The following JMJD6 variants were observed in gnomAD, a reference collection of about 807,000 sequenced individuals.
JMJD6 encodes the protein jumonji domain containing 6, arginine demethylase and lysine hydroxylase, also known as bifunctional arginine demethylase and lysyl-hydroxylase JMJD6.
A neutral mutation model predicts 45.8 loss-of-function variants in JMJD6; 17 were observed. The ratio of observed to expected loss-of-function variants is 0.37; its 90% CI spans 0.25 to 0.56. The LOEUF (loss-of-function observed/expected upper bound fraction) is 0.56, where lower values mean the gene tolerates loss of function less well. Among genes scored for constraint, JMJD6 ranks in the 20% least tolerant of loss-of-function variants. The probability of loss-of-function intolerance (pLI) is 0.79; values close to 1 mark genes in which losing one functional copy is unlikely to be tolerated. For missense variants in JMJD6, 470 were observed against 517.5 expected (o/e 0.91, Z 0.89); for synonymous variants, 221 against 196.3 (o/e 1.13, Z -1.05).
rs149838558 is a variant in JMJD6 at position 76,721,502 on chromosome 17, G to A, written c.941+296C>T. Reference sequence around the variant, plus strand: ...CCCAAATAAAATGATTTTAGCTAGCGCTAGCTTTGAAAAACAAAACACAAA... The same window carrying A: ...CCCAAATAAAATGATTTTAGCTAGCACTAGCTTTGAAAAACAAAACACAAA... On this transcript the variant is annotated intron_variant, in intron 4 of 5. Coordinates refer to ENST00000397625, the MANE Select transcript of JMJD6 (RefSeq NM_015167.3). 332 of 401,838 alleles carry A rather than the reference G, an allele frequency of 8.3e-4. 2 individuals are homozygous for A. The highest frequency in any genetic ancestry group is 6.0e-3 in the African/African-American group (302 of 50,274). The allele number at this position is 401,838 out of a possible 1,614,324, so 24.9% of individuals were successfully genotyped here.
At position 76,718,954 on chromosome 17, in the gene JMJD6, T is replaced by C. The variant is rs1015592412; in HGVS notation, c.1081-94A>G. 5 of 1,249,612 alleles carry C rather than the reference T, an allele frequency of 4.0e-6. No individual in the cohort carries two copies. In the African/African-American group the frequency reaches 6.0e-5, roughly 15 times the overall value. 77.4% of individuals were successfully genotyped at this position (1,249,612 alleles called of 1,614,324 possible). On this transcript the variant is annotated intron_variant, in intron 5 of 5. Transcript: ENST00000397625. ...CTGACCTCGGGAGACAGCACAGATA[T>C]TGGTCACTTTCTCCCAAATGCAAAG...
downstream of JMJD6, among the ~76,000 whole-genome samples, chr17:76,717,071 G>C (rs1005119844): frequency 3.3e-5 from 5 of 152,148 alleles, no homozygotes; most frequent in African/African-American, 1.2e-4. Flanking sequence ...GAGGCCACGC[G>C]ATAGGAGGGC....
chr17:76,717,742 G>C (rs910763066), downstream of JMJD6, among the ~76,000 whole-genome samples: 2 of 151,980 alleles, frequency 1.3e-5, no homozygotes. Flanking sequence ...TGTAATACCA[G>C]CACTTTGGGA....
At chr17:76,718,367 G>C (rs2076783299), downstream of JMJD6, 5 of 1,003,308 alleles carry the variant, frequency 5.0e-6, no homozygotes, top group Non-Finnish European at 6.4e-6. Context: ...CACAGCAGGA[G>C]TCACTGCTTT....
In JMJD6 at chr17:76,718,690, G is replaced by A. The variant is rs974900855; in HGVS notation, c.*39C>T. The A allele has an allele frequency of 4.2e-5, 67 of 1,604,276 alleles. No individual in the cohort carries two copies. The highest frequency in any genetic ancestry group is 1.7e-4 in the Middle Eastern group (1 of 6,022). On this transcript the variant is annotated 3_prime_UTR_variant, in exon 6 of 6. Transcript: ENST00000397625. ...ACCCTCCCCAGGCCCTGCCCTTGCC[G>A]CGAGCGTGTCCTTCCATACAGACAA... is the stretch of plus-strand genomic sequence containing the variant.
In JMJD6 at chr17:76,723,887, G is replaced by T. The variant is rs778506056; in HGVS notation, c.690C>A (p.Asp230Glu). The part of the protein sequence containing the change: ...VTRDEGGNQQ[D>E]EAITWFNVIY... The stretch of plus-strand genomic sequence containing the variant: ...TAACATTAAACCAGGTAATAGCTTC[G>T]TCTTGCTGGTTCCCTCCTTCGTCTC... Residue 230 changes from aspartate (D) to glutamate (E), a missense_variant, in exon 3 of 6, where the codon GAC becomes GAA. Physicochemically the swap from Asp to Glu is conservative, Grantham distance 45 (BLOSUM62 2). Transcript: ENST00000397625. The T allele has an allele frequency of 1.2e-6, 2 of 1,614,088 alleles. No homozygotes were observed. The highest frequency in any genetic ancestry group is 2.7e-5 in the African/African-American group (2 of 75,012).
At chr17:76,717,168 C>G (rs1340063491), downstream of JMJD6, among the ~76,000 whole-genome samples, 1 of 152,114 alleles carries the variant, frequency 6.6e-6, no homozygotes, top group African/African-American at 2.4e-5. Flanking sequence ...CTTCAGCAGT[C>G]AAGGGCTTCA....
At chr17:76,716,847 CAG>C (rs1165837365), downstream of JMJD6, 2 of 849,564 alleles carry the variant, frequency 2.4e-6, no homozygotes, top group Admixed American at 2.2e-5. Context: ...GGGCTTTCTC[CAG>C]AGTTTTCTTA....
At chr17:76,726,068 C>G (rs775431834) in intron 1 of JMJD6, among the ~76,000 whole-genome samples, 7 of 152,320 alleles carry the variant, frequency 4.6e-5, no homozygotes, top group Non-Finnish European at 8.8e-5. Context: ...CTAGGGGACC[C>G]GCCGCCCAAA....
intron 2 of JMJD6, among the ~76,000 whole-genome samples, chr17:76,725,051 G>A (rs895631833): frequency 7.9e-5 from 12 of 152,118 alleles, no homozygotes; most frequent in African/African-American, 1.2e-4. Flanking sequence ...AGCCGAGGGA[G>A]TACTCACTGT....
intron 3 of JMJD6, among the ~76,000 whole-genome samples, chr17:76,723,249 A>G (rs2076851197): frequency 6.6e-6 from 1 of 152,014 alleles, no homozygotes; most frequent in Non-Finnish European, 1.5e-5. Context: ...CCGGGCCTGC[A>G]TACAGTTTAT....
chr17:76,723,840 G>A lies in JMJD6; in HGVS notation c.737C>T (p.Pro246Leu), dbSNP rs370913824. 1.9e-6 allele frequency: 3 copies of A among 1,614,028 alleles called. No individual in the cohort carries two copies. The African/African-American group carries it at 4.0e-5, about 22-fold the overall frequency. Reference protein sequence around the residue: ...FNVIYPRTQLPTWPPEFKPLE... With the variant: ...FNVIYPRTQLLTWPPEFKPLE... The stretch of plus-strand genomic sequence containing the variant: ...GGGTTTGAATTCAGGTGGCCAGGTT[G>A]GAAGCTGTGTCCGGGGATAAATAAC... Residue 246 changes from proline (P) to leucine (L), a missense_variant, in exon 3 of 6, where the codon CCA (proline) becomes CTA (leucine). Pro to Leu is a moderately conservative substitution (Grantham distance 98). Transcript: ENST00000397625.
At chr17:76,721,649 C>T in intron 4 of JMJD6, 149 bp downstream of exon 4, 1 of 830,046 alleles carries the variant, frequency 1.2e-6, no homozygotes, top group Non-Finnish European at 1.9e-6. Context: ...TGACCTTGGC[C>T]CCTCTCTCCT....
chr17:76,725,971 T>G (rs2076918198), intron 1 of JMJD6, 116 bp from the exon 2 acceptor site: 2 of 1,310,544 alleles, frequency 1.5e-6, no homozygotes, highest in Non-Finnish European at 2.0e-6. Context: ...GACTCTCGTC[T>G]GGCTCCTCCG....
rs143400917 is a variant in JMJD6, at chr17:76,718,898, G to A, written c.1081-38C>T. ...GGACAGAAAACAAGGAGTCAACCTG[G>A]ATGCAACCCACTTCTTCATTAAACA... On this transcript the variant is annotated intron_variant, in intron 5 of 5. Coordinates refer to ENST00000397625, the MANE Select transcript of JMJD6 (RefSeq NM_015167.3). The A allele has an allele frequency of 3.0e-4, 487 of 1,597,694 alleles. 2 individuals carry two copies. The African/African-American group carries it at 5.9e-3, about 19-fold the overall frequency.
intron 1 of JMJD6, 145 bp downstream of exon 1, chr17:76,726,202 G>A (rs1054819510): frequency 1.3e-5 from 15 of 1,158,486 alleles, no homozygotes; most frequent in Non-Finnish European, 1.7e-5. Context: ...TCCGCGCCTC[G>A]GGGACCCCAA....
chr17:76,725,846 C>T lies in JMJD6; in HGVS notation c.139G>A (p.Glu47Lys), dbSNP rs1381960331. Residue 47 changes from glutamate (E) to lysine (K), a missense_variant, in exon 2 of 6, where the codon GAA becomes AAA. By Grantham distance (56) the Glu-to-Lys change is moderately conservative (BLOSUM62 1). Around this residue, in one of 4 missense-constraint regions of JMJD6, gnomAD observed 346 missense variants for 339.5 expected, o/e 1.02. Coordinates refer to ENST00000397625, the MANE Select transcript of JMJD6 (RefSeq NM_015167.3). ...LSPAAVADNV[E>K]RADALQLSVE... ...GACAGCTGTAAAGCATCTGCCCTTT[C>T]CACGTTATCCTGAGGGAATTAAAAA... is the stretch of plus-strand genomic sequence containing the variant. 2 of 1,606,982 alleles carry T rather than the reference C, an allele frequency of 1.2e-6. No homozygotes were observed. The highest frequency in any genetic ancestry group is 1.7e-6 in the Non-Finnish European group (2 of 1,177,888).
downstream of JMJD6, chr17:76,713,588 T>C (rs775108907): frequency 5.9e-5 from 9 of 152,182 alleles, no homozygotes; most frequent in Non-Finnish European, 1.2e-4. Context: ...CTCGTGGAAA[T>C]ACTACAGACA....
At position 76,723,825 on chromosome 17, in the gene JMJD6, T is replaced by G. The variant is rs761611642; in HGVS notation, c.752A>C (p.Glu251Ala). The change falls in exon 3 of 6, where the codon GAA (glutamate) becomes GCA (alanine). Residue 251 changes from glutamate to alanine, a missense_variant. Physicochemically the swap from Glu to Ala is moderately radical, Grantham distance 107. Transcript: ENST00000397625. ...TTGTAAGATTTCCAGGGGTTTGAATTCAGGTGGCCAGGTTGGAAGCTGTGT... is the reference window on the plus strand; with the variant it reads ...TTGTAAGATTTCCAGGGGTTTGAATGCAGGTGGCCAGGTTGGAAGCTGTGT... The part of the protein sequence containing the change: ...PRTQLPTWPP[E>A]FKPLEILQKP... 12 of 1,614,070 alleles carry G rather than the reference T, an allele frequency of 7.4e-6. No homozygotes were observed. Among genetic ancestry groups the G allele is most frequent in the Non-Finnish European group, 1.0e-5 (12 of 1,180,038 alleles).
Sources: gnomAD v4.1 joint callset for allele counts (sites outside exome capture counted in the v4.1 genomes callset) on GRCh38, gnomAD v4.1.1 for gene constraint, gnomAD v4.1.1 regional missense constraint, MANE v1.5 for transcripts, NCBI Gene and HGNC (gene_info 2026-07-23, HGNC 2026-07-21) for gene names.